Variants in TBC1D4 observed in about 807,000 individuals in gnomAD.
The protein encoded by TBC1D4 is TBC1 domain family member 4.
In TBC1D4, 121 loss-of-function variants were observed where a neutral mutation model predicts 142.5. That is an observed-to-expected ratio of 0.85 (90% confidence interval 0.73 to 0.99). TBC1D4 has a LOEUF of 0.99. TBC1D4 is among the 50% of genes least tolerant of loss of function. The pLI is 0.00. For synonymous variants in TBC1D4, 630 were observed against 628.2 expected (o/e 1.00, Z -0.04); for missense variants, 1,475 against 1,606.6 (o/e 0.92, Z 1.40).
intron 1 of TBC1D4, among the ~76,000 whole-genome samples, chr13:75,465,518 C>T (rs906643403): frequency 5.3e-5 from 8 of 152,118 alleles, no homozygotes; most frequent in African/African-American, 1.7e-4. Context: ...GGGTGGAGAG[C>T]GGAGCTTCAA....
Position 75,481,672 on chromosome 13 carries a change from G to T in TBC1D4, c.96C>A (p.Ser32Arg). Residue 32 changes from serine to arginine, a missense_variant, in exon 1 of 21, where the codon AGC becomes AGA. Physicochemically the swap from Ser to Arg is moderately radical, Grantham distance 110 (BLOSUM62 -1). Coordinates refer to ENST00000377636, the MANE Select transcript of TBC1D4 (RefSeq NM_014832.5). The part of the protein sequence containing the change: ...VSAQPGPGKP[S>R]DKRFRLWYVG... ...CGTACCACAGCCGGAACCGCTTATC[G>T]CTTGGCTTCCCGGGGCCGGGCTGAG... 6.2e-7 allele frequency: 1 copy of T among 1,601,440 alleles called. No individual in the cohort carries two copies. Among genetic ancestry groups the T allele is most frequent in the Non-Finnish European group, 8.5e-7 (1 of 1,174,706 alleles).
At chr13:75,314,695 G>T (rs1350684698) in intron 12 of TBC1D4, among the ~76,000 whole-genome samples, 1 of 152,128 alleles carries the variant, frequency 6.6e-6, no homozygotes, top group Admixed American at 6.5e-5. Context: ...GCCAGGCACG[G>T]TGGCTCACCA....
intron 1 of TBC1D4, among the ~76,000 whole-genome samples, chr13:75,398,409 G>C (rs1884910121): frequency 6.6e-6 from 1 of 152,168 alleles, no homozygotes; most frequent in Admixed American, 6.5e-5. Flanking sequence ...GAAAGTGGGA[G>C]CTGCTAGTGA....
chr13:75,299,600 T>A, intron 16 of TBC1D4, 26 bp from the exon 17 acceptor site: 1 of 1,613,288 alleles, frequency 6.2e-7, no homozygotes, highest in Non-Finnish European at 8.5e-7. Context: ...AGGAAAATAT[T>A]TTTTGAAATG....
At chr13:75,302,631 A>G in intron 15 of TBC1D4, 1 of 584,912 alleles carries the variant, frequency 1.7e-6, no homozygotes, top group South Asian at 2.0e-5. Context: ...TGACAATATT[A>G]ACAATAACAT....
chr13:75,472,712 A>G (rs1566515933), intron 1 of TBC1D4, among the ~76,000 whole-genome samples: 1 of 152,182 alleles, frequency 6.6e-6, no homozygotes, highest in Non-Finnish European at 1.5e-5. Flanking sequence ...GTAAAGAGTT[A>G]GGCAACAAGC....
At chr13:75,408,616 A>G (rs1296254195) in intron 1 of TBC1D4, among the ~76,000 whole-genome samples, 3 of 152,012 alleles carry the variant, frequency 2.0e-5, no homozygotes, top group African/African-American at 4.8e-5. Flanking sequence ...TTAACTGGTA[A>G]CTCTATGTTT....
chr13:75,312,416 G>A (rs201458355), intron 13 of TBC1D4, among the ~76,000 whole-genome samples: 45,770 of 125,046 alleles, frequency 0.37, 8,517 homozygotes, highest in Non-Finnish European at 0.48. Flanking sequence ...CAATCTCTGG[G>A]AAAAAAAAAA....
intron 8 of TBC1D4, among the ~76,000 whole-genome samples, chr13:75,328,950 C>T (rs1879510120): frequency 6.6e-6 from 1 of 151,998 alleles, no homozygotes; most frequent in African/African-American, 2.4e-5. Flanking sequence ...AATCCCACTC[C>T]CCAAAAGCGA....
intron 20 of TBC1D4, among the ~76,000 whole-genome samples, chr13:75,287,569 A>T (rs1874819775): frequency 6.6e-6 from 1 of 152,216 alleles, no homozygotes; most frequent in Non-Finnish European, 1.5e-5. Flanking sequence ...AGGGGCAAAT[A>T]ATTAATCGCC....
At chr13:75,470,445 C>T (rs1007823497) in intron 1 of TBC1D4, among the ~76,000 whole-genome samples, 3 of 152,144 alleles carry the variant, frequency 2.0e-5, no homozygotes, top group African/African-American at 7.2e-5. Flanking sequence ...CCACCCTAGA[C>T]TTACTGAATC....
At chr13:75,480,616 T>C (rs1301952491) in intron 1 of TBC1D4, among the ~76,000 whole-genome samples, 1 of 152,180 alleles carries the variant, frequency 6.6e-6, no homozygotes, top group African/African-American at 2.4e-5. Context: ...ATAAGTGTGT[T>C]TAAAAACCGC....
intron 1 of TBC1D4, among the ~76,000 whole-genome samples, chr13:75,417,083 G>A (rs1375735668): frequency 6.6e-6 from 1 of 152,110 alleles, no homozygotes; most frequent in East Asian, 1.9e-4. Flanking sequence ...CTGGTCCACT[G>A]TTAGCAGGAA....
At chr13:75,312,416 G>GAAAAAA (rs762306467) in intron 13 of TBC1D4, among the ~76,000 whole-genome samples, 1 of 125,674 alleles carries the variant, frequency 8.0e-6, no homozygotes, top group African/African-American at 2.9e-5. Flanking sequence ...CAATCTCTGG[G>GAAAAAA]AAAAAAAAAA....
intron 8 of TBC1D4, 58 bp downstream of exon 8, chr13:75,336,863 G>C: frequency 1.2e-6 from 2 of 1,606,696 alleles, no homozygotes; most frequent in Non-Finnish European, 1.7e-6. Flanking sequence ...TGAGACTGAA[G>C]CTAAACTGTT....
rs12323150 is a variant in TBC1D4, at chr13:75,480,836, C to T, written c.498+434G>A. Among the ~76,000 whole-genome samples the T allele has an allele frequency of 7.2e-3, 1,090 of 152,184 alleles. 21 individuals are homozygous for T. Among genetic ancestry groups the T allele is most frequent in the African/African-American group, 0.024 (989 of 41,540 alleles). ...GAACTAGTGAGGACCTCTAGGAACC[C>T]AACCTTCTGCGTTCATACACGCGCT... On this transcript the variant is annotated intron_variant, in intron 1 of 20. Transcript: ENST00000377636.
At chr13:75,288,834 A>G in intron 20 of TBC1D4, 100 bp downstream of exon 20, 2 of 1,261,676 alleles carry the variant, frequency 1.6e-6, no homozygotes, top group Non-Finnish European at 2.3e-6. Context: ...CTTGGTTAGC[A>G]ATGGTTCATT....
chr13:75,418,110 T>A (rs1211369117), intron 1 of TBC1D4, among the ~76,000 whole-genome samples: 1 of 152,230 alleles, frequency 6.6e-6, no homozygotes, highest in Non-Finnish European at 1.5e-5. Flanking sequence ...CCTGAGATCA[T>A]AAAATGTTAG....
intron 11 of TBC1D4, among the ~76,000 whole-genome samples, chr13:75,321,375 G>A (rs755300175): frequency 3.3e-5 from 5 of 151,774 alleles, no homozygotes; most frequent in Non-Finnish European, 5.9e-5. Context: ...AAGAGTAAAC[G>A]GACACGATGC....
Sources: gnomAD v4.1 joint callset for allele counts (sites outside exome capture counted in the v4.1 genomes callset) on GRCh38, gnomAD v4.1.1 for gene constraint, MANE v1.5 for transcripts, NCBI Gene and HGNC (gene_info 2026-07-23, HGNC 2026-07-21) for gene names.